POU6F2: variants seen among roughly 807,000 people sequenced by gnomAD.
POU6F2 encodes the protein POU class 6 homeobox 2, also known as POU domain, class 6, transcription factor 2.
In POU6F2, 31 loss-of-function variants were observed where a neutral mutation model predicts 71.3. That is an observed-to-expected ratio of 0.43 (90% CI 0.33 to 0.59). The LOEUF (loss-of-function observed/expected upper bound fraction) is 0.59. Ranked by LOEUF, POU6F2 falls within the 20% of genes least tolerant of loss-of-function variation. The probability of loss-of-function intolerance (pLI) is 0.04; values close to 1 mark genes in which losing one functional copy is unlikely to be tolerated. For synonymous variants in POU6F2, 347 were observed against 355.7 expected (o/e 0.98, Z 0.27); for missense variants, 783 against 856.8 (o/e 0.91, Z 1.07).
chr7:39,422,670 T>G (rs1041974253), intron 6 of POU6F2, among the ~76,000 whole-genome samples: 7 of 152,130 alleles, frequency 4.6e-5, no homozygotes, highest in African/African-American at 1.7e-4. Flanking sequence ...CTATGCAAAG[T>G]TGAGGTCATT....
chr7:39,046,193 T>C (rs527679924), intron 1 of POU6F2, among the ~76,000 whole-genome samples: 31 of 152,076 alleles, frequency 2.0e-4, no homozygotes, highest in African/African-American at 7.2e-4. Context: ...TAATTTGCGT[T>C]TCTCAAATTA....
At chr7:39,146,827 CTT>C (rs1226816571) in intron 2 of POU6F2, among the ~76,000 whole-genome samples, 11 of 152,182 alleles carry the variant, frequency 7.2e-5, no homozygotes, top group Non-Finnish European at 1.5e-4. Context: ...ACAGTGGACT[CTT>C]TATCCCCAGG....
intron 4 of POU6F2, among the ~76,000 whole-genome samples, chr7:39,338,876 G>A (rs760206176): frequency 2.0e-5 from 3 of 152,098 alleles, no homozygotes; most frequent in Non-Finnish European, 2.9e-5. Context: ...CTCATAACAA[G>A]ATCTTAAAAG....
chr7:39,046,502 C>T lies in POU6F2; in HGVS notation c.106-39358C>T, dbSNP rs565610921. On this transcript the variant is annotated intron_variant, in intron 1 of 9. Coordinates refer to ENST00000518318, the MANE Select transcript of POU6F2 (RefSeq NM_001370959.1). ...TGCTTTTATTGTCACATTAAGAATT[C>T]CTTATATAACCCAAGTCACAGAGCT... Among the ~76,000 whole-genome samples the T allele has an allele frequency of 8.6e-5, 13 of 151,854 alleles. No individual in the cohort carries two copies. The South Asian group carries it at 2.7e-3, about 32-fold the overall frequency.
intron 4 of POU6F2, among the ~76,000 whole-genome samples, chr7:39,240,989 T>A (rs73695213): frequency 0.011 from 1,722 of 152,248 alleles, 38 homozygotes; most frequent in African/African-American, 0.038. Flanking sequence ...TCTGCCCACC[T>A]TCTTGGGCAT....
chr7:39,099,054 A>G (rs1257400057), intron 2 of POU6F2, among the ~76,000 whole-genome samples: 4 of 152,158 alleles, frequency 2.6e-5, no homozygotes, highest in Non-Finnish European at 5.9e-5. Flanking sequence ...AAGTTCATTC[A>G]GGAAAGAATT....
chr7:39,145,011 C>G (rs1792587529), intron 2 of POU6F2, among the ~76,000 whole-genome samples: 1 of 152,278 alleles, frequency 6.6e-6, no homozygotes, highest in Non-Finnish European at 1.5e-5. Flanking sequence ...CGCTTTCATT[C>G]CTTCACATAG....
intron 2 of POU6F2, among the ~76,000 whole-genome samples, chr7:39,165,908 A>G (rs1793103911): frequency 6.6e-6 from 1 of 152,242 alleles, no homozygotes; most frequent in Non-Finnish European, 1.5e-5. Flanking sequence ...AAATCCATGT[A>G]GTACATTGCA....
chr7:39,164,829 C>T lies in POU6F2; in HGVS notation c.278-39406C>T, dbSNP rs191728945. 2.5e-4 allele frequency among the ~76,000 whole-genome samples: 38 copies of T among 152,204 alleles called. 1 individual carries two copies. Among genetic ancestry groups the T allele is most frequent in the Admixed American group, 1.6e-3 (24 of 15,292 alleles). ...TTTGTGTCTGAAAGTTATTTCTTTACGGCAGGCTTTACAAGGAGATGCTGA... is the reference window on the plus strand; with the variant it reads ...TTTGTGTCTGAAAGTTATTTCTTTATGGCAGGCTTTACAAGGAGATGCTGA... On this transcript the variant is annotated intron_variant, in intron 2 of 9. Transcript: ENST00000518318.
chr7:39,344,141 T>C (rs923893627), intron 5 of POU6F2, among the ~76,000 whole-genome samples: 1 of 152,186 alleles, frequency 6.6e-6, no homozygotes, highest in African/African-American at 2.4e-5. Context: ...ACGTACCATC[T>C]TGCATGGCAG....
intron 4 of POU6F2, among the ~76,000 whole-genome samples, chr7:39,297,293 T>C (rs1450853098): frequency 6.6e-6 from 1 of 152,018 alleles, no homozygotes; most frequent in Admixed American, 6.6e-5. Flanking sequence ...CATTCCTGTA[T>C]GAAGTCTGAG....
chr7:39,163,688 A>C (rs1793045789), intron 2 of POU6F2, among the ~76,000 whole-genome samples: 1 of 152,242 alleles, frequency 6.6e-6, no homozygotes. Context: ...AAATGAAATC[A>C]GTATGTTGAA....
At chr7:38,994,134 GGGAACTCC>G (rs1788677908) in intron 1 of POU6F2, among the ~76,000 whole-genome samples, 1 of 152,106 alleles carries the variant, frequency 6.6e-6, no homozygotes. Context: ...TAAAAAACAT[GGGAACTCC>G]AAGCTGCAAG....
intron 1 of POU6F2, among the ~76,000 whole-genome samples, chr7:39,041,259 T>C (rs1790188975): frequency 6.6e-6 from 1 of 152,038 alleles, no homozygotes; most frequent in East Asian, 1.9e-4. Context: ...TAAACTTTTG[T>C]GCATTTTCCA....
chr7:39,055,625 TC>T (rs1409162736), intron 1 of POU6F2, among the ~76,000 whole-genome samples: 1 of 152,134 alleles, frequency 6.6e-6, no homozygotes, highest in East Asian at 1.9e-4. Flanking sequence ...TTCTTTTCAT[TC>T]TTTTTTTGTC....
chr7:39,081,078 A>C (rs1470397503), intron 1 of POU6F2, among the ~76,000 whole-genome samples: 1 of 152,232 alleles, frequency 6.6e-6, no homozygotes, highest in East Asian at 1.9e-4. Context: ...ATGAAAGTAC[A>C]TCAGAAGTTA....
At chr7:39,030,543 T>TATATATATGTATGTATAC (rs1491146903) in intron 1 of POU6F2, among the ~76,000 whole-genome samples, 2 of 88,018 alleles carry the variant, frequency 2.3e-5, no homozygotes, top group Admixed American at 1.3e-4. Context: ...TATATATATA[T>TATATATATGTATGTATAC]ACACACACAT....
intron 7 of POU6F2, among the ~76,000 whole-genome samples, chr7:39,437,328 CTTCTTCCTGGT>C (rs1482864000): frequency 1.3e-5 from 2 of 152,158 alleles, no homozygotes; most frequent in African/African-American, 4.8e-5. Flanking sequence ...AGGGATTTGA[CTTCTTCCTGGT>C]TTAGTCTTGG....
intron 2 of POU6F2, among the ~76,000 whole-genome samples, chr7:39,165,783 G>T (rs1169450978): frequency 2.0e-5 from 3 of 152,102 alleles, no homozygotes; most frequent in African/African-American, 7.2e-5. Flanking sequence ...CTAAATAGAG[G>T]ATCAAGGTGA....
Sources: gnomAD v4.1 joint callset for allele counts (sites outside exome capture counted in the v4.1 genomes callset) on GRCh38, gnomAD v4.1.1 for gene constraint, MANE v1.5 for transcripts, NCBI Gene and HGNC (gene_info 2026-07-23, HGNC 2026-07-21) for gene names.